Variants in NTM observed in about 807,000 individuals in gnomAD.
NTM encodes IgLON family member 2.
A neutral mutation model predicts 42.1 loss-of-function variants in NTM; 13 were observed. That is an observed-to-expected ratio of 0.31 (90% CI 0.20 to 0.49). The LOEUF (loss-of-function observed/expected upper bound fraction) is 0.49. NTM is among the 20% of genes least tolerant of loss of function. The probability of loss-of-function intolerance (pLI) is 0.99; values close to 1 mark genes in which losing one functional copy is unlikely to be tolerated. For synonymous variants in NTM, 187 were observed against 179.2 expected (o/e 1.04, Z -0.35); for missense variants, 373 against 452.8 (o/e 0.82, Z 1.60).
chr11:131,969,904 C>T (rs1272894162), intron 2 of NTM, among the ~76,000 whole-genome samples: 1 of 152,188 alleles, frequency 6.6e-6, no homozygotes, highest in African/African-American at 2.4e-5. Context: ...ACAGCCTTGA[C>T]GTCCTGACTC....
At chr11:131,884,289 A>T (rs1006071823) in intron 1 of NTM, among the ~76,000 whole-genome samples, 2 of 152,112 alleles carry the variant, frequency 1.3e-5, no homozygotes, top group African/African-American at 2.4e-5. Flanking sequence ...CATGCCTGTA[A>T]TCCCAGCTAC....
chr11:132,070,685 A>C (rs1410057107), intron 2 of NTM, among the ~76,000 whole-genome samples: 1 of 144,372 alleles, frequency 6.9e-6, no homozygotes, highest in African/African-American at 2.5e-5. Context: ...CCAAGTTAAC[A>C]CGTCAAACTG....
intron 1 of NTM, among the ~76,000 whole-genome samples, chr11:131,710,245 A>G (rs1185943885): frequency 6.6e-6 from 1 of 152,206 alleles, no homozygotes; most frequent in Admixed American, 6.5e-5. Context: ...CACTCTTGTC[A>G]GCGTACAAAT....
At chr11:132,297,851 T>C (rs927650014) in intron 4 of NTM, among the ~76,000 whole-genome samples, 8 of 152,154 alleles carry the variant, frequency 5.3e-5, no homozygotes, top group Non-Finnish European at 8.8e-5. Context: ...GTAGAATCTC[T>C]TCTTAAGGAA....
At chr11:131,558,741 C>T (rs61901935) in intron 1 of NTM, among the ~76,000 whole-genome samples, 23,767 of 152,022 alleles carry the variant, frequency 0.16, 2,344 homozygotes, top group African/African-American at 0.26. Context: ...ATAAGGTTCA[C>T]GTCTTTGAGA....
intron 1 of NTM, among the ~76,000 whole-genome samples, chr11:131,756,997 A>G (rs1294728558): frequency 6.6e-6 from 1 of 152,224 alleles, no homozygotes; most frequent in Admixed American, 6.5e-5. Flanking sequence ...TGTGGCTTAG[A>G]GCAAGGGCCT....
chr11:131,411,353 G>T (rs960217003), intron 1 of NTM, among the ~76,000 whole-genome samples: 1 of 152,088 alleles, frequency 6.6e-6, no homozygotes, highest in African/African-American at 2.4e-5. Context: ...TTCCTAGTTG[G>T]CACTGAGCAC....
intron 1 of NTM, among the ~76,000 whole-genome samples, chr11:131,850,632 G>A (rs1263491978): frequency 6.6e-6 from 1 of 152,178 alleles, no homozygotes; most frequent in African/African-American, 2.4e-5. Context: ...ATTTCCTTTG[G>A]GTAGGTAGCG....
intron 8 of NTM, among the ~76,000 whole-genome samples, chr11:132,334,587 G>GTTCTT (rs1373930065): frequency 6.6e-6 from 1 of 152,274 alleles, no homozygotes; most frequent in Admixed American, 6.5e-5. Flanking sequence ...TGTCCAACAG[G>GTTCTT]TTCTTTTCTG....
intron 2 of NTM, among the ~76,000 whole-genome samples, chr11:132,094,095 A>C (rs1475933073): frequency 2.0e-5 from 3 of 152,202 alleles, no homozygotes; most frequent in African/African-American, 7.2e-5. Context: ...ACAGTTGGCC[A>C]CCTTTGATTG....
At chr11:131,725,999 G>C (rs750360271) in intron 1 of NTM, among the ~76,000 whole-genome samples, 14 of 152,146 alleles carry the variant, frequency 9.2e-5, no homozygotes, top group Non-Finnish European at 1.8e-4. Flanking sequence ...CACACTTTAA[G>C]ATTTGCTCTA....
intron 3 of NTM, among the ~76,000 whole-genome samples, chr11:132,210,813 T>C (rs2082711174): frequency 6.6e-6 from 1 of 152,114 alleles, no homozygotes. Flanking sequence ...AATAAGCACA[T>C]GGAGGAGCAC....
intron 1 of NTM, among the ~76,000 whole-genome samples, chr11:131,467,432 T>C (rs529332419): frequency 1.3e-5 from 2 of 152,324 alleles, no homozygotes; most frequent in African/African-American, 2.4e-5. Flanking sequence ...CCTCCAGACA[T>C]TGGTTTTACA....
At chr11:132,098,484 G>A (rs1165466542) in intron 2 of NTM, among the ~76,000 whole-genome samples, 1 of 152,182 alleles carries the variant, frequency 6.6e-6, no homozygotes, top group African/African-American at 2.4e-5. Context: ...TTCATGGGTG[G>A]CAGCTGTCTC....
rs111837928 is a variant in NTM at position 131,598,973 on chromosome 11, G to A, written c.82+228085G>A. 2.2e-3 allele frequency among the ~76,000 whole-genome samples: 322 copies of A among 147,402 alleles called. 3 individuals are homozygous for A. The highest frequency in any genetic ancestry group is 8.1e-3 in the African/African-American group (317 of 39,162). On this transcript the variant is annotated intron_variant, in intron 1 of 8. Transcript: ENST00000683400. ...CTTGTCACCCAGGTAGAGTGCAATG[G>A]CACAATCTCAGCTCACTTCAACCTC...
At chr11:132,328,647 C>T (rs2095736416) in intron 7 of NTM, among the ~76,000 whole-genome samples, 1 of 152,064 alleles carries the variant, frequency 6.6e-6, no homozygotes, top group Non-Finnish European at 1.5e-5. Context: ...TCTGGATGAG[C>T]CCCCCAAAAC....
intron 1 of NTM, among the ~76,000 whole-genome samples, chr11:131,774,668 T>C (rs1195593001): frequency 6.6e-6 from 1 of 152,202 alleles, no homozygotes; most frequent in Non-Finnish European, 1.5e-5. Context: ...TTCTACAACT[T>C]GCCATTAAGG....
At chr11:131,740,124 C>T (rs763887262) in intron 1 of NTM, among the ~76,000 whole-genome samples, 2 of 152,160 alleles carry the variant, frequency 1.3e-5, no homozygotes, top group East Asian at 1.9e-4. Flanking sequence ...ATGCCTCACT[C>T]GCAGGGCTGA....
At position 132,314,532 on chromosome 11, in the gene NTM, T is replaced by G; in HGVS notation, c.783-20T>G. The stretch of plus-strand genomic sequence containing the variant: ...CATAACCATCTTGTTTTCTTCTTTT[T>G]TGTCTTTTGTTTCTCTCAGACTGAT... On this transcript the variant is annotated intron_variant, in intron 6 of 8. Transcript: ENST00000683400. The G allele has an allele frequency of 6.2e-7, 1 of 1,600,634 alleles. No homozygotes were observed. Among genetic ancestry groups the G allele is most frequent in the Non-Finnish European group, 8.5e-7 (1 of 1,174,120 alleles).
Sources: allele counts gnomAD v4.1 joint callset (sites outside exome capture counted in the v4.1 genomes callset), GRCh38; gene constraint gnomAD v4.1.1; transcripts MANE v1.5; gene names NCBI Gene and HGNC (gene_info 2026-07-23, HGNC 2026-07-21).